NFATC2: variants seen among roughly 807,000 people sequenced by gnomAD.
The protein encoded by NFATC2 is nuclear factor of activated T-cells, cytoplasmic 2.
In NFATC2, 22 loss-of-function variants were observed where a neutral mutation model predicts 87.3. The observed-to-expected ratio is 0.25, with a 90% confidence interval of 0.18 to 0.36. The LOEUF is 0.36. NFATC2 is among the 10% of genes least tolerant of loss of function. The pLI is 1.00. For missense variants in NFATC2, 1,149 were observed against 1,259.1 expected, an observed-to-expected ratio of 0.91 and a Z score of 1.32; for synonymous variants, 565 against 542.2, an observed-to-expected ratio of 1.04 and a Z score of -0.58.
At chr20:51,479,865 C>T (rs1034519875) in intron 3 of NFATC2, among the ~76,000 whole-genome samples, 16 of 152,214 alleles carry the variant, frequency 1.1e-4, no homozygotes, top group African/African-American at 2.9e-4. Flanking sequence ...CGAACCCACC[C>T]GCTTCCCTGC....
intron 3 of NFATC2, among the ~76,000 whole-genome samples, chr20:51,495,782 G>C (rs1372965793): frequency 6.6e-6 from 1 of 152,096 alleles, no homozygotes; most frequent in African/African-American, 2.4e-5. Context: ...CCCATGCACT[G>C]GCTGGGTCTA....
intron 3 of NFATC2, among the ~76,000 whole-genome samples, chr20:51,508,914 C>T (rs1292190123): frequency 6.6e-6 from 1 of 152,172 alleles, no homozygotes; most frequent in Non-Finnish European, 1.5e-5. Context: ...GTCCACACCC[C>T]AGCAGAGGGA....
chr20:51,404,845 C>T (rs559390829), intron 9 of NFATC2, among the ~76,000 whole-genome samples: 6 of 152,342 alleles, frequency 3.9e-5, no homozygotes, highest in African/African-American at 1.2e-4. Context: ...GAGTCACTGA[C>T]GCTCTCTGCA....
At chr20:51,409,380 G>A (rs1319797156) in intron 9 of NFATC2, among the ~76,000 whole-genome samples, 1 of 152,166 alleles carries the variant, frequency 6.6e-6, no homozygotes, top group East Asian at 1.9e-4. Context: ...GCTTTACAAT[G>A]GAATATTATG....
At chr20:51,535,940 T>C (rs149778920) in intron 1 of NFATC2, among the ~76,000 whole-genome samples, 57 of 152,246 alleles carry the variant, frequency 3.7e-4, no homozygotes, top group African/African-American at 1.4e-3. Context: ...GGAAAAGCAA[T>C]CTCCCCACTC....
chr20:51,545,488 C>T (rs1315913794), upstream of NFATC2, among the ~76,000 whole-genome samples: 1 of 152,226 alleles, frequency 6.6e-6, no homozygotes, highest in African/African-American at 2.4e-5. Flanking sequence ...GCTATGACCA[C>T]CTCATTCGCA....
chr20:51,482,603 T>C (rs1417496249), intron 3 of NFATC2, among the ~76,000 whole-genome samples: 1 of 152,246 alleles, frequency 6.6e-6, no homozygotes, highest in Non-Finnish European at 1.5e-5. Flanking sequence ...TGTGTTTACA[T>C]TGTGGAATGA....
At chr20:51,466,504 G>GA (rs11480465) in intron 5 of NFATC2, among the ~76,000 whole-genome samples, 73,481 of 150,322 alleles carry the variant, frequency 0.49, 19,928 homozygotes, top group East Asian at 0.66. Flanking sequence ...TTGCTTTCAG[G>GA]AAAAAAAAAG....
intron 6 of NFATC2, among the ~76,000 whole-genome samples, chr20:51,453,384 G>A (rs1986037427): frequency 6.6e-6 from 1 of 152,134 alleles, no homozygotes. Context: ...CCTCCAACTG[G>A]ACAACTCACC....
chr20:51,400,676 G>A (rs1373039470), intron 9 of NFATC2, among the ~76,000 whole-genome samples: 1 of 152,138 alleles, frequency 6.6e-6, no homozygotes, highest in Admixed American at 6.5e-5. Context: ...ACTGAGGCCC[G>A]AAATCAACTC....
In NFATC2 at chr20:51,432,306, A is replaced by G; in HGVS notation, c.2483T>C (p.Phe828Ser). 1.2e-6 allele frequency: 2 copies of G among 1,614,174 alleles called. No homozygotes were observed. The highest frequency in any genetic ancestry group is 1.7e-6 in the Non-Finnish European group (2 of 1,180,026). ...QQLRCGSHQE[F>S]QHIMYCENFA... Reference sequence around the variant, plus strand: ...ATTCTCGCAGTACATGATGTGCTGGAACTCCTGGTGGCTTCCGCAGCGCAG... The same window carrying G: ...ATTCTCGCAGTACATGATGTGCTGGGACTCCTGGTGGCTTCCGCAGCGCAG... Residue 828 changes from phenylalanine (F) to serine (S), a missense_variant, in exon 9 of 11, where the codon TTC (phenylalanine) becomes TCC (serine). Coordinates refer to ENST00000371564, the MANE Select transcript of NFATC2 (RefSeq NM_012340.5). The surrounding 1 kb of genome is among the most constrained non-coding windows in gnomAD (Gnocchi z 4.6).
chr20:51,522,761 CAG>C (rs142335200), intron 2 of NFATC2, among the ~76,000 whole-genome samples: 1,618 of 152,236 alleles, frequency 0.011, 30 homozygotes, highest in African/African-American at 0.037. Context: ...ACTTATGTAA[CAG>C]AATCTGCCAC....
chr20:51,401,339 AAAAT>A (rs1351455798), intron 9 of NFATC2, among the ~76,000 whole-genome samples: 4 of 151,660 alleles, frequency 2.6e-5, no homozygotes, highest in African/African-American at 9.8e-5. Context: ...CTGTCTCAAA[AAAAT>A]AAAAATAAAT....
At chr20:51,436,625 GAAT>G (rs1264824852) in intron 6 of NFATC2, among the ~76,000 whole-genome samples, 1 of 152,036 alleles carries the variant, frequency 6.6e-6, no homozygotes, top group African/African-American at 2.4e-5. Context: ...TGAGGCATGA[GAAT>G]TGCCTGAACC....
chr20:51,398,901 C>T (rs1461178315), intron 9 of NFATC2, 171 bp from the exon 10 acceptor site: 2 of 602,020 alleles, frequency 3.3e-6, no homozygotes. Flanking sequence ...CCAGAATTAA[C>T]CCAACACTAG....
intron 2 of NFATC2, among the ~76,000 whole-genome samples, chr20:51,517,670 A>G (rs2076375276): frequency 6.6e-6 from 1 of 152,052 alleles, no homozygotes; most frequent in Admixed American, 6.5e-5. Flanking sequence ...TAATCCCAAC[A>G]CTATGGGAGG....
At chr20:51,545,691 G>T (rs1276648118), upstream of NFATC2, among the ~76,000 whole-genome samples, 1 of 152,040 alleles carries the variant, frequency 6.6e-6, no homozygotes, top group Non-Finnish European at 1.5e-5. Context: ...ATGGGTGGAT[G>T]GATGAATAGA....
chr20:51,499,461 T>C (rs2076044117), intron 3 of NFATC2, among the ~76,000 whole-genome samples: 2 of 151,958 alleles, frequency 1.3e-5, no homozygotes, highest in South Asian at 2.1e-4. Flanking sequence ...AGATTCAAAA[T>C]CTAAAACGCG....
At chr20:51,552,727 G>T (rs985486521) in intron 1 of NFATC2, among the ~76,000 whole-genome samples, 4 of 152,150 alleles carry the variant, frequency 2.6e-5, no homozygotes, top group African/African-American at 9.7e-5. Context: ...CAGGTCTGCA[G>T]GAGCTCCACC....
Sources: allele counts gnomAD v4.1 joint callset (sites outside exome capture counted in the v4.1 genomes callset), GRCh38; gene constraint gnomAD v4.1.1; non-coding constraint Gnocchi (gnomAD v3.1); transcripts MANE v1.5; gene names NCBI Gene and HGNC (gene_info 2026-07-23, HGNC 2026-07-21).